PDE1A: variants seen among roughly 807,000 people sequenced by gnomAD.
PDE1A encodes phosphodiesterase 1A.
Under a neutral mutation model 61.7 loss-of-function variants are expected in PDE1A, and 35 were observed. The observed-to-expected ratio is 0.57, with a 90% CI of 0.43 to 0.75. PDE1A has a LOEUF of 0.75. Ranked by LOEUF, PDE1A falls within the 30% of genes least tolerant of loss-of-function variation. The pLI is 0.00. For missense variants in PDE1A, 597 were observed against 630.6 expected (o/e 0.95, Z 0.57); for synonymous variants, 232 against 213.2 (o/e 1.09, Z -0.77).
upstream of PDE1A, among the ~76,000 whole-genome samples, chr2:182,524,950 T>A: frequency 1.3e-5 from 2 of 151,952 alleles, no homozygotes; most frequent in Admixed American, 1.3e-4. Flanking sequence ...CAAAAATGTA[T>A]AGAATGAATT....
At chr2:182,145,387 T>C (rs750514417), downstream of PDE1A, among the ~76,000 whole-genome samples, 20 of 151,968 alleles carry the variant, frequency 1.3e-4, no homozygotes, top group Non-Finnish European at 2.9e-5. Flanking sequence ...TGCCAAATCG[T>C]CTGCTCGGGC....
At chr2:182,328,106 A>G in intron 1 of PDE1A, among the ~76,000 whole-genome samples, 1 of 152,178 alleles carries the variant, frequency 6.6e-6, no homozygotes, top group East Asian at 1.9e-4. Flanking sequence ...TCTGTCAGTG[A>G]AATAAGAAGC....
chr2:182,255,645 T>C (rs927129467), intron 2 of PDE1A, among the ~76,000 whole-genome samples: 1 of 150,434 alleles, frequency 6.6e-6, no homozygotes, highest in Non-Finnish European at 1.5e-5. Context: ...CTTTTTCTTT[T>C]CTTTCTTTCT....
In PDE1A at chr2:182,241,904, T is replaced by G. The variant is rs778149982; in HGVS notation, c.168-1612A>C. On this transcript the variant is annotated intron_variant, in intron 2 of 13. Coordinates refer to ENST00000351439, the Ensembl canonical transcript of PDE1A. ...ATTAAAGCAAAATAGTTTGTTTATC[T>G]TTTTGCCCATTTGAAATTAGATTCC... The G allele has an allele frequency of 4.6e-6, 7 of 1,533,660 alleles. No individual in the cohort carries two copies. The African/African-American group carries it at 6.8e-5, about 15-fold the overall frequency.
chr2:182,341,964 T>C (rs1024076630), intron 1 of PDE1A, among the ~76,000 whole-genome samples: 1 of 152,104 alleles, frequency 6.6e-6, no homozygotes, highest in African/African-American at 2.4e-5. Flanking sequence ...AGACCAGGCC[T>C]CGCTATGTTG....
chr2:182,203,015 T>A (rs1353772356), intron 8 of PDE1A, among the ~76,000 whole-genome samples: 1 of 152,108 alleles, frequency 6.6e-6, no homozygotes, highest in Non-Finnish European at 1.5e-5. Flanking sequence ...TAATTGCCTT[T>A]TTAAAAAAAC....
At chr2:182,698,417 A>C in the PDE1A span, among the ~76,000 whole-genome samples, 1 of 152,146 alleles carries the variant, frequency 6.6e-6, no homozygotes, top group Non-Finnish European at 1.5e-5. Context: ...TATTTGTATG[A>C]GCAAAGGAAA....
chr2:182,304,908 A>G (rs1695479946), intron 1 of PDE1A, among the ~76,000 whole-genome samples: 1 of 152,236 alleles, frequency 6.6e-6, no homozygotes, highest in Admixed American at 6.5e-5. Flanking sequence ...ATTGGAAAAA[A>G]TGGCACTGAT....
intron 13 of PDE1A, chr2:182,168,429 T>C (rs1375940794): frequency 1.1e-5 from 8 of 760,098 alleles, no homozygotes; most frequent in African/African-American, 1.8e-5. Flanking sequence ...AGAAACATAA[T>C]TGGCATATTT....
chr2:182,290,025 G>GA (rs141617277), intron 1 of PDE1A, among the ~76,000 whole-genome samples: 1 of 151,550 alleles, frequency 6.6e-6, no homozygotes, highest in East Asian at 1.9e-4. Flanking sequence ...AATTTTGCTA[G>GA]AAAAAAATGC....
chr2:182,363,904 AATAG>A (rs1411168130), intron 1 of PDE1A, among the ~76,000 whole-genome samples: 4 of 151,978 alleles, frequency 2.6e-5, no homozygotes, highest in African/African-American at 9.7e-5. Context: ...TATAGATGGA[AATAG>A]ATAGAAAGAA....
At chr2:182,506,010 T>C (rs1421526724) in intron 2 of PDE1A, among the ~76,000 whole-genome samples, 1 of 152,218 alleles carries the variant, frequency 6.6e-6, no homozygotes, top group Non-Finnish European at 1.5e-5. Flanking sequence ...CTGGAAATTT[T>C]TCAAATTCTA....
the PDE1A span, among the ~76,000 whole-genome samples, chr2:182,622,952 T>C: frequency 6.6e-6 from 1 of 152,100 alleles, no homozygotes; most frequent in Admixed American, 6.6e-5. Context: ...GTAGGGAGCA[T>C]AGTTAGAACA....
intron 2 of PDE1A, among the ~76,000 whole-genome samples, chr2:182,473,453 C>G (rs991593349): frequency 1.3e-5 from 2 of 151,854 alleles, no homozygotes; most frequent in African/African-American, 4.8e-5. Flanking sequence ...ACAACCCCAT[C>G]AAAAAGTGGG....
At chr2:182,258,142 T>G (rs1313281170) in intron 2 of PDE1A, among the ~76,000 whole-genome samples, 1 of 150,044 alleles carries the variant, frequency 6.7e-6, no homozygotes, top group Non-Finnish European at 1.5e-5. Context: ...CACTCCAGCC[T>G]AGGCGACAGT....
chr2:182,178,652 C>T (rs761326050), intron 13 of PDE1A, among the ~76,000 whole-genome samples: 1 of 151,964 alleles, frequency 6.6e-6, no homozygotes, highest in Non-Finnish European at 1.5e-5. Context: ...GTGTTCTCAG[C>T]ATGCAAGGAA....
downstream of PDE1A, chr2:182,142,599 A>T (rs1690279668): frequency 1.3e-5 from 2 of 152,146 alleles, no homozygotes; most frequent in Non-Finnish European, 2.9e-5. Flanking sequence ...AACAAAAAAA[A>T]TTTTTCAATA....
intron 2 of PDE1A, among the ~76,000 whole-genome samples, chr2:182,509,369 A>AT (rs1291773682): frequency 6.6e-6 from 1 of 152,190 alleles, no homozygotes; most frequent in East Asian, 1.9e-4. Context: ...TGATAACTCC[A>AT]TTTGGTATTC....
At chr2:182,716,755 G>A in the PDE1A span, among the ~76,000 whole-genome samples, 24 of 152,116 alleles carry the variant, frequency 1.6e-4, no homozygotes, top group Non-Finnish European at 3.2e-4. Flanking sequence ...CTGTTCCCCC[G>A]TGTCTTCATC....
Sources: allele counts gnomAD v4.1 joint callset (sites outside exome capture counted in the v4.1 genomes callset), GRCh38; gene constraint gnomAD v4.1.1; transcripts MANE v1.5; gene names NCBI Gene and HGNC (gene_info 2026-07-23, HGNC 2026-07-21).